LUZP2: variants seen among roughly 807,000 people sequenced by gnomAD.
LUZP2 encodes the protein leucine zipper protein 2.
A neutral mutation model predicts 51.6 loss-of-function variants in LUZP2; 52 were observed. That is an observed-to-expected ratio of 1.01 (90% CI 0.81 to 1.27). The LOEUF (loss-of-function observed/expected upper bound fraction) is 1.27, where lower values mean the gene tolerates loss of function less well. Ranked by LOEUF, LUZP2 falls within the 50% of genes most tolerant of loss-of-function variation. The pLI is 0.00. For synonymous variants in LUZP2, 154 were observed against 137.3 expected (o/e 1.12, Z -0.85); for missense variants, 436 against 395.4 (o/e 1.10, Z -0.87).
At chr11:24,802,493 A>G (rs959896399) in intron 5 of LUZP2, among the ~76,000 whole-genome samples, 2 of 151,990 alleles carry the variant, frequency 1.3e-5, no homozygotes, top group Admixed American at 6.6e-5. Context: ...TTGCTGAAGT[A>G]CACATAAGAT....
At chr11:24,875,265 A>C (rs2134277257) in intron 5 of LUZP2, among the ~76,000 whole-genome samples, 1 of 138,512 alleles carries the variant, frequency 7.2e-6, no homozygotes, top group East Asian at 2.3e-4. Flanking sequence ...CCCTCACCCC[A>C]CAACAGTCCC....
chr11:24,579,395 G>T (rs1414242245), intron 1 of LUZP2, among the ~76,000 whole-genome samples: 1 of 151,982 alleles, frequency 6.6e-6, no homozygotes, highest in Non-Finnish European at 1.5e-5. Flanking sequence ...TTCAGGTTTT[G>T]GATAAAGTTA....
chr11:24,655,398 A>G (rs959014714), intron 1 of LUZP2, among the ~76,000 whole-genome samples: 2 of 151,770 alleles, frequency 1.3e-5, no homozygotes, highest in Non-Finnish European at 2.9e-5. Context: ...TTTTTTTTTA[A>G]TAACTAGAGG....
intron 5 of LUZP2, among the ~76,000 whole-genome samples, chr11:24,814,923 T>A (rs967226290): frequency 7.0e-6 from 1 of 143,742 alleles, no homozygotes; most frequent in South Asian, 2.2e-4. Context: ...ACCCGGGAGG[T>A]GGAGCTTGCA....
intron 7 of LUZP2, among the ~76,000 whole-genome samples, chr11:24,921,170 G>T (rs1854040712): frequency 1.3e-5 from 2 of 152,070 alleles, no homozygotes; most frequent in African/African-American, 4.8e-5. Context: ...CAGGAAAGAA[G>T]AAAGAAAGAA....
intron 1 of LUZP2, among the ~76,000 whole-genome samples, chr11:24,525,712 A>C (rs2175151): frequency 0.48 from 72,069 of 150,592 alleles, 17,410 homozygotes; most frequent in South Asian, 0.6. Flanking sequence ...TTCTCTCTCT[A>C]TATATATATA....
intron 1 of LUZP2, among the ~76,000 whole-genome samples, chr11:24,666,306 C>T (rs1262020916): frequency 6.6e-6 from 1 of 152,106 alleles, no homozygotes; most frequent in Non-Finnish European, 1.5e-5. Flanking sequence ...AGTGAAAGAG[C>T]ACAGAAGAAA....
chr11:24,977,734 T>C (rs1328240890), intron 8 of LUZP2, among the ~76,000 whole-genome samples: 1 of 151,634 alleles, frequency 6.6e-6, no homozygotes, highest in Non-Finnish European at 1.5e-5. Context: ...CCATAATATG[T>C]ATGTATATAT....
rs1857748846 is a variant in LUZP2, at chr11:25,033,270, AT to A, written c.766-16764del. On this transcript the variant is annotated intron_variant, in intron 9 of 11. Coordinates refer to ENST00000336930, the MANE Select transcript of LUZP2 (RefSeq NM_001009909.4). ...GCTTTGAAAACTGTATATTAACCAG[AT>A]TTTCTTTTTTAGAAGTATTTATTCG... Among the ~76,000 whole-genome samples the A allele has an allele frequency of 3.9e-5, 6 of 152,198 alleles. No homozygotes were observed. The South Asian group carries it at 1.2e-3, about 32-fold the overall frequency.
chr11:24,926,261 GTATATATATACGTGTA>G (rs1447701625), intron 7 of LUZP2, among the ~76,000 whole-genome samples: 1,091 of 53,420 alleles, frequency 0.02, 72 homozygotes, highest in East Asian at 0.13. Context: ...ATACGTGTGT[GTATATATATACGTGTA>G]TATATATATA....
At chr11:24,811,994 A>AG (rs1850036770) in intron 5 of LUZP2, among the ~76,000 whole-genome samples, 2 of 152,144 alleles carry the variant, frequency 1.3e-5, no homozygotes, top group Non-Finnish European at 2.9e-5. Context: ...AAGGTGGTTG[A>AG]AGGAAGAGAA....
intron 10 of LUZP2, among the ~76,000 whole-genome samples, chr11:25,057,842 G>C: frequency 6.6e-6 from 1 of 152,016 alleles, no homozygotes; most frequent in African/African-American, 2.4e-5. Context: ...CTAGGGAAAT[G>C]AGAAGAGAAA....
At chr11:25,053,247 CATCATT>C (rs1858577778) in intron 10 of LUZP2, among the ~76,000 whole-genome samples, 2 of 152,048 alleles carry the variant, frequency 1.3e-5, no homozygotes, top group African/African-American at 4.8e-5. Flanking sequence ...ATAATTACAT[CATCATT>C]ATCAAGAAAG....
chr11:24,588,863 A>G (rs2133837528), intron 1 of LUZP2, among the ~76,000 whole-genome samples: 1 of 152,206 alleles, frequency 6.6e-6, no homozygotes, highest in East Asian at 1.9e-4. Context: ...TTTTAAAAAA[A>G]GAAGATCCTC....
intron 1 of LUZP2, among the ~76,000 whole-genome samples, chr11:24,637,519 T>C (rs189391428): frequency 3.3e-5 from 5 of 151,984 alleles, no homozygotes; most frequent in Non-Finnish European, 7.4e-5. Context: ...GCCATATTTT[T>C]CTCCTTGCAG....
intron 1 of LUZP2, among the ~76,000 whole-genome samples, chr11:24,701,946 A>G (rs1480635485): frequency 6.6e-6 from 1 of 152,160 alleles, no homozygotes; most frequent in Non-Finnish European, 1.5e-5. Flanking sequence ...AATTATTTCT[A>G]TTCCCATGTT....
In LUZP2 at chr11:25,080,887, G is replaced by T. The variant is rs115783029; in HGVS notation, c.*2229G>T. 1 of 151,942 alleles carries T rather than the reference G, an allele frequency of 6.6e-6. No individual in the cohort carries two copies. Among genetic ancestry groups the T allele is most frequent in the Non-Finnish European group, 1.5e-5 (1 of 67,994 alleles). 9.4% of individuals were successfully genotyped at this position (151,942 alleles called of 1,614,324 possible). On this transcript the variant is annotated 3_prime_UTR_variant, in exon 12 of 12. Transcript: ENST00000336930. ...GTTATTTCCTGAAATTGTTATGAGA[G>T]ATAACATGTTGAAAGGTAAGAACTC...
Position 24,976,670 on chromosome 11 carries a change from G to A in LUZP2, c.597+5G>A. On this transcript the variant is annotated splice_donor_5th_base_variant and intron_variant, in intron 8 of 11. Coordinates refer to ENST00000336930, the MANE Select transcript of LUZP2 (RefSeq NM_001009909.4). Reference sequence around the variant, plus strand: ...GAGAAAGCAGCTCTTGACAGGGTAAGTCTACATTCATGAACCATTACAACT... The same window carrying A: ...GAGAAAGCAGCTCTTGACAGGGTAAATCTACATTCATGAACCATTACAACT... 8.1e-7 allele frequency: 1 copy of A among 1,227,112 alleles called. No homozygotes were observed. Among genetic ancestry groups the A allele is most frequent in the Non-Finnish European group, 1.1e-6 (1 of 896,150 alleles). 76.0% of individuals were successfully genotyped at this position (1,227,112 alleles called of 1,614,324 possible).
At chr11:24,762,259 A>G (rs1322759642) in intron 4 of LUZP2, among the ~76,000 whole-genome samples, 1 of 152,160 alleles carries the variant, frequency 6.6e-6, no homozygotes, top group East Asian at 1.9e-4. Context: ...TCATTTCAGG[A>G]AACTTCTAAG....
Sources: gnomAD v4.1 joint callset for allele counts (sites outside exome capture counted in the v4.1 genomes callset) on GRCh38, gnomAD v4.1.1 for gene constraint, MANE v1.5 for transcripts, NCBI Gene and HGNC (gene_info 2026-07-23, HGNC 2026-07-21) for gene names.